Variants in SLC12A8 observed in about 807,000 individuals in gnomAD.
SLC12A8 encodes solute carrier family 12 member 8.
In SLC12A8, 69 loss-of-function variants were observed where a neutral mutation model predicts 75.6. That is an observed-to-expected ratio of 0.91 (90% CI 0.75 to 1.11). The LOEUF is 1.11. SLC12A8 is among the 50% of genes most tolerant of loss of function. The probability of loss-of-function intolerance (pLI) is 0.00; values close to 1 mark genes in which losing one functional copy is unlikely to be tolerated. For missense variants in SLC12A8, 877 were observed against 896.7 expected (o/e 0.98, Z 0.28); for synonymous variants, 365 against 372.8 (o/e 0.98, Z 0.24).
chr3:125,178,856 G>T (rs602770), intron 4 of SLC12A8, among the ~76,000 whole-genome samples: 7,631 of 152,158 alleles, frequency 0.05, 563 homozygotes, highest in East Asian at 0.34. Flanking sequence ...CCTGCTCCAG[G>T]TTAGGCTTCC....
chr3:125,207,221 C>G (rs1361176217), intron 2 of SLC12A8, among the ~76,000 whole-genome samples: 1 of 152,136 alleles, frequency 6.6e-6, no homozygotes, highest in Admixed American at 6.5e-5. Flanking sequence ...GAATAATTAG[C>G]CAGACTTTGG....
At chr3:125,194,557 G>T (rs1446222567) in intron 2 of SLC12A8, among the ~76,000 whole-genome samples, 1 of 152,198 alleles carries the variant, frequency 6.6e-6, no homozygotes, top group Non-Finnish European at 1.5e-5. Context: ...TTCTGCCAGA[G>T]GCAATGACAT....
chr3:125,146,735 G>T (rs1486249468), intron 5 of SLC12A8, among the ~76,000 whole-genome samples: 1 of 152,222 alleles, frequency 6.6e-6, no homozygotes, highest in African/African-American at 2.4e-5. Flanking sequence ...ACCTCCCATG[G>T]CTCAAGTGAT....
intron 5 of SLC12A8, among the ~76,000 whole-genome samples, chr3:125,176,309 G>A (rs1934526165): frequency 6.6e-6 from 1 of 152,136 alleles, no homozygotes; most frequent in Non-Finnish European, 1.5e-5. Flanking sequence ...GACTTCAGGT[G>A]ATCCACCTGT....
chr3:125,129,410 T>G (rs1933298188), intron 6 of SLC12A8, among the ~76,000 whole-genome samples: 1 of 152,078 alleles, frequency 6.6e-6, no homozygotes, highest in South Asian at 2.1e-4. Context: ...CAGCATCCAC[T>G]CCAAGCTCCC....
At chr3:125,200,316 G>T (rs1022216562) in intron 2 of SLC12A8, among the ~76,000 whole-genome samples, 3 of 152,150 alleles carry the variant, frequency 2.0e-5, no homozygotes, top group African/African-American at 7.2e-5. Context: ...GGGCATGGTG[G>T]TGTGCCCTTG....
intron 5 of SLC12A8, among the ~76,000 whole-genome samples, chr3:125,170,958 T>C (rs180783453): frequency 8.3e-4 from 127 of 152,268 alleles, no homozygotes; most frequent in Middle Eastern, 3.4e-3. Flanking sequence ...TGAGAAGCTA[T>C]GTGCCGATCT....
chr3:125,112,242 T>C (rs1026266566), intron 8 of SLC12A8, among the ~76,000 whole-genome samples: 1 of 152,210 alleles, frequency 6.6e-6, no homozygotes, highest in Non-Finnish European at 1.5e-5. Context: ...TTGATTCCTT[T>C]CTTTATCATC....
intron 5 of SLC12A8, among the ~76,000 whole-genome samples, chr3:125,142,694 C>T (rs894381044): frequency 6.6e-6 from 1 of 152,222 alleles, no homozygotes; most frequent in African/African-American, 2.4e-5. Flanking sequence ...GGCCAGAGAC[C>T]CAGCCTTCCT....
intron 5 of SLC12A8, among the ~76,000 whole-genome samples, chr3:125,153,288 C>T (rs1343857256): frequency 6.6e-6 from 1 of 152,182 alleles, no homozygotes; most frequent in Non-Finnish European, 1.5e-5. Flanking sequence ...GAGGTTTTTA[C>T]AGCCTGAAAA....
At position 125,135,902 on chromosome 3, in the gene SLC12A8, T is replaced by C. The variant is rs557020207; in HGVS notation, c.623-120A>G. ...TATTGGAAAGGTAGGGGCATGTATG[T>C]GACACACAGCGACAGAGCGGGTCTG... On this transcript the variant is annotated intron_variant, in intron 5 of 13. Transcript: ENST00000469902. 4 of 550,956 alleles carry C rather than the reference T, an allele frequency of 7.3e-6. No individual in the cohort carries two copies. The South Asian group carries it at 1.5e-4, about 21-fold the overall frequency. 34.1% of individuals were successfully genotyped at this position (550,956 alleles called of 1,614,324 possible). A position where few individuals can be genotyped will look rare whatever the true frequency, so the allele number is the denominator to read the frequency against.
intron 10 of SLC12A8, among the ~76,000 whole-genome samples, chr3:125,094,929 T>C (rs1231727521): frequency 1.3e-5 from 2 of 152,224 alleles, no homozygotes; most frequent in Non-Finnish European, 2.9e-5. Flanking sequence ...TTTCTCCTTC[T>C]TGGAAAAATT....
At chr3:125,113,477 A>C (rs78150573) in intron 8 of SLC12A8, among the ~76,000 whole-genome samples, 3,520 of 152,228 alleles carry the variant, frequency 0.023, 120 homozygotes, top group South Asian at 0.095. Flanking sequence ...CCATCCATCC[A>C]TTCAGGAAGC....
At chr3:125,099,931 AAAAG>A (rs1938823909) in intron 10 of SLC12A8, among the ~76,000 whole-genome samples, 1 of 152,256 alleles carries the variant, frequency 6.6e-6, no homozygotes, top group East Asian at 1.9e-4. Context: ...TCTGTTTCAA[AAAAG>A]AGAGAGAGAG....
intron 4 of SLC12A8, among the ~76,000 whole-genome samples, chr3:125,184,816 G>C (rs554739702): frequency 6.6e-6 from 1 of 151,826 alleles, no homozygotes; most frequent in African/African-American, 2.4e-5. Context: ...TTAGGGATCA[G>C]AAAAACAATA....
At chr3:125,151,784 T>G (rs1933931793) in intron 5 of SLC12A8, among the ~76,000 whole-genome samples, 1 of 152,270 alleles carries the variant, frequency 6.6e-6, no homozygotes, top group South Asian at 2.1e-4. Context: ...AAAAACATTT[T>G]GATTTTCTGA....
In SLC12A8 at chr3:125,135,632, C is replaced by T. The variant is rs773354441; in HGVS notation, c.736+37G>A. ...ATTTTGGAACCAAGAATGTATACCC[C>T]TAATTTGAGAGTAAAAAAGAACCCA... On this transcript the variant is annotated intron_variant, in intron 6 of 13. Coordinates refer to ENST00000469902, the MANE Select transcript of SLC12A8 (RefSeq NM_024628.6). 5.7e-6 allele frequency: 8 copies of T among 1,406,538 alleles called. No individual in the cohort carries two copies. In the Admixed American group the frequency reaches 8.4e-5, roughly 15 times the overall value. The allele number at this position is 1,406,538 out of a possible 1,614,324, so 87.1% of individuals were successfully genotyped here.
At chr3:125,209,118 G>A (rs1935288327) in intron 2 of SLC12A8, among the ~76,000 whole-genome samples, 1 of 152,150 alleles carries the variant, frequency 6.6e-6, no homozygotes, top group Non-Finnish European at 1.5e-5. Flanking sequence ...GAAATTTCTT[G>A]AGGGCTAGCC....
chr3:125,118,980 T>A, intron 7 of SLC12A8, 124 bp from the exon 8 acceptor site: 1 of 632,536 alleles, frequency 1.6e-6, no homozygotes, highest in Non-Finnish European at 2.8e-6. Context: ...AGGCCAGTCA[T>A]GAAGCTTCCC....
Sources: gnomAD v4.1 joint callset for allele counts (sites outside exome capture counted in the v4.1 genomes callset) on GRCh38, gnomAD v4.1.1 for gene constraint, MANE v1.5 for transcripts, NCBI Gene and HGNC (gene_info 2026-07-23, HGNC 2026-07-21) for gene names.